PPP1R1C: variants seen among roughly 807,000 people sequenced by gnomAD.
The protein encoded by PPP1R1C is protein phosphatase 1 regulatory inhibitor subunit 1C.
A neutral mutation model predicts 17.4 loss-of-function variants in PPP1R1C; 15 were observed. The observed-to-expected ratio is 0.86, with a 90% CI of 0.58 to 1.33. The LOEUF (loss-of-function observed/expected upper bound fraction) is 1.33, where lower values mean the gene tolerates loss of function less well. Ranked by LOEUF, PPP1R1C falls within the 40% of genes most tolerant of loss-of-function variation. The pLI, the probability that PPP1R1C is intolerant of heterozygous loss-of-function variation, is 0.00. For missense variants in PPP1R1C, 143 were observed against 130.0 expected (o/e 1.10, Z -0.48); for synonymous variants, 35 against 43.1 (o/e 0.81, Z 0.73).
At chr2:182,120,620 A>T (rs187852143), downstream of PPP1R1C, among the ~76,000 whole-genome samples, 2 of 152,244 alleles carry the variant, frequency 1.3e-5, no homozygotes, top group East Asian at 3.9e-4. Context: ...AGTGATTTTG[A>T]ATTACTTGTG....
intron 5 of PPP1R1C, among the ~76,000 whole-genome samples, chr2:182,125,754 AC>A (rs1689858120): frequency 6.6e-6 from 1 of 152,004 alleles, no homozygotes; most frequent in African/African-American, 2.4e-5. Flanking sequence ...CCCCTTTATA[AC>A]TTTTTAATGT....
At chr2:182,103,861 C>T (rs1200394825) in intron 4 of PPP1R1C, 1 of 152,118 alleles carries the variant, frequency 6.6e-6, no homozygotes, top group African/African-American at 2.4e-5. Flanking sequence ...TGGAGGGAAT[C>T]GAGCAGATTT....
intron 2 of PPP1R1C, among the ~76,000 whole-genome samples, chr2:182,057,750 A>G (rs2125193805): frequency 6.6e-6 from 1 of 152,180 alleles, no homozygotes; most frequent in South Asian, 2.1e-4. Flanking sequence ...GCCCTATATA[A>G]CACTTTTAAA....
chr2:182,064,063 T>C, intron 4 of PPP1R1C: 1 of 412,950 alleles, frequency 2.4e-6, no homozygotes, highest in Non-Finnish European at 4.3e-6. Context: ...TTTTTACCGT[T>C]ATTCGCATAC....
At chr2:182,004,110 G>T (rs186335905) in intron 2 of PPP1R1C, among the ~76,000 whole-genome samples, 2 of 152,046 alleles carry the variant, frequency 1.3e-5, no homozygotes, top group Non-Finnish European at 2.9e-5. Flanking sequence ...TGTTAGTCTT[G>T]GTCAATTCTT....
intron 4 of PPP1R1C, 148 bp downstream of exon 4, chr2:182,063,939 T>C: frequency 3.3e-6 from 2 of 603,940 alleles, no homozygotes; most frequent in Non-Finnish European, 6.0e-6. Flanking sequence ...AGATATCTTA[T>C]CTACTTAAAA....
Position 181,960,783 on chromosome 2 carries a change from G to A in PPP1R1C, n.111+6149G>A, listed in dbSNP as rs533530723. Among the ~76,000 whole-genome samples, 36 of 152,250 alleles carry A rather than the reference G, an allele frequency of 2.4e-4. No individual in the cohort carries two copies. In the East Asian group the frequency reaches 6.8e-3, roughly 29 times the overall value. ...CCATCTGGGAATCACTTTCTTGTGG[G>A]GGTCACTCATGTAAACAAAGAACAC... On this transcript the variant is annotated intron_variant and non_coding_transcript_variant, in intron 1 of 5. Coordinates refer to the PPP1R1C transcript ENST00000464264.
intron 2 of PPP1R1C, among the ~76,000 whole-genome samples, chr2:182,007,939 G>T (rs553351785): frequency 1.2e-4 from 19 of 152,168 alleles, no homozygotes; most frequent in Non-Finnish European, 2.4e-4. Flanking sequence ...GTGGTGGTGG[G>T]TGTCTGTAGT....
intron 4 of PPP1R1C, among the ~76,000 whole-genome samples, chr2:182,113,010 C>A (rs1220717203): frequency 6.6e-6 from 1 of 152,112 alleles, no homozygotes; most frequent in Admixed American, 6.6e-5. Context: ...GCTAATTTTT[C>A]AATAGTACAG....
chr2:182,015,389 GT>G (rs1375783325), intron 2 of PPP1R1C, among the ~76,000 whole-genome samples: 1 of 152,182 alleles, frequency 6.6e-6, no homozygotes, highest in Non-Finnish European at 1.5e-5. Flanking sequence ...ATGTGGAACT[GT>G]GAGTGAATTA....
At chr2:181,994,682 A>G (rs939368985) in intron 2 of PPP1R1C, among the ~76,000 whole-genome samples, 1 of 152,146 alleles carries the variant, frequency 6.6e-6, no homozygotes, top group Admixed American at 6.5e-5. Flanking sequence ...TATACATTCA[A>G]TTCAATTTAT....
intron 5 of PPP1R1C, among the ~76,000 whole-genome samples, chr2:182,123,315 G>A (rs148465608): frequency 0.012 from 1,815 of 152,184 alleles, 43 homozygotes; most frequent in African/African-American, 0.04. Context: ...ATAAACATAC[G>A]TGTGCGTGTG....
chr2:182,112,354 A>C lies in PPP1R1C; in HGVS notation c.242-4853A>C, dbSNP rs566435358. The stretch of plus-strand genomic sequence containing the variant: ...TTCCTGGGCAAGGTTAAATTCTATT[A>C]TCTTTCTGACTCCAAATTCTATTGA... On this transcript the variant is annotated intron_variant, in intron 4 of 4. Transcript: ENST00000682840. 7.0e-4 allele frequency among the ~76,000 whole-genome samples: 106 copies of C among 152,254 alleles called. 1 individual carries two copies. Among genetic ancestry groups the C allele is most frequent in the Non-Finnish European group, 1.2e-3 (84 of 68,006 alleles).
At chr2:181,982,985 C>T (rs1685220559), upstream of PPP1R1C, among the ~76,000 whole-genome samples, 1 of 152,172 alleles carries the variant, frequency 6.6e-6, no homozygotes, top group African/African-American at 2.4e-5. Context: ...GGTGGTACAA[C>T]ATCCAACTTT....
chr2:181,988,480 G>T lies in PPP1R1C; in HGVS notation c.142+581G>T, dbSNP rs116620635. 4.6e-3 allele frequency among the ~76,000 whole-genome samples: 705 copies of T among 152,298 alleles called. 4 individuals are homozygous for T. Among genetic ancestry groups the T allele is most frequent in the Middle Eastern group, 0.01 (3 of 294 alleles). ...TCCATTTCCTGTAAAAATGAAAACC[G>T]CATTATTATTCCGGATAAAAGACTA... On this transcript the variant is annotated intron_variant, in intron 2 of 4. Transcript: ENST00000682840.
At chr2:182,079,875 G>T (rs1688421518) in intron 4 of PPP1R1C, among the ~76,000 whole-genome samples, 1 of 152,106 alleles carries the variant, frequency 6.6e-6, no homozygotes, top group Non-Finnish European at 1.5e-5. Flanking sequence ...CCCGTGGCCT[G>T]CTCTTCTGTG....
Position 181,993,295 on chromosome 2 carries a change from CA to C in PPP1R1C, c.142+5400del, listed in dbSNP as rs1685518561. Among the ~76,000 whole-genome samples, 4 of 152,150 alleles carry C rather than the reference CA, an allele frequency of 2.6e-5. No homozygotes were observed. The South Asian group carries it at 8.3e-4, about 32-fold the overall frequency. On this transcript the variant is annotated intron_variant, in intron 2 of 4. Transcript: ENST00000682840. ...CTCTTCATGGAGACCCTCTATTTTG[CA>C]AAATGAATGATTGTGTTGTCAAGAG...
intron 2 of PPP1R1C, among the ~76,000 whole-genome samples, chr2:182,009,144 T>C (rs1009279927): frequency 1.3e-5 from 2 of 152,118 alleles, no homozygotes; most frequent in African/African-American, 4.8e-5. Context: ...TGGTACAAAT[T>C]ATCAATGGGA....
At chr2:182,029,168 T>C (rs1357209562) in intron 2 of PPP1R1C, among the ~76,000 whole-genome samples, 7 of 147,946 alleles carry the variant, frequency 4.7e-5, no homozygotes, top group Non-Finnish European at 9.0e-5. Context: ...CTTTATCCAA[T>C]TTGCCAGTCT....
Sources: gnomAD v4.1 joint callset for allele counts (sites outside exome capture counted in the v4.1 genomes callset) on GRCh38, gnomAD v4.1.1 for gene constraint, MANE v1.5 for transcripts, NCBI Gene and HGNC (gene_info 2026-07-23, HGNC 2026-07-21) for gene names.